The following ZNF14 variants were observed in gnomAD, a reference collection of about 807,000 sequenced individuals.
ZNF14 encodes zinc finger protein 14.
ZNF14 carries 9 observed loss-of-function variants against 11.3 expected under a neutral mutation model. The ratio of observed to expected loss-of-function variants is 0.80; its 90% CI spans 0.48 to 1.39. The LOEUF (loss-of-function observed/expected upper bound fraction) is 1.39. Ranked by LOEUF, ZNF14 falls within the 40% of genes most tolerant of loss-of-function variation. The probability of loss-of-function intolerance (pLI) is 0.00; values close to 1 mark genes in which losing one functional copy is unlikely to be tolerated. For synonymous variants in ZNF14, 239 were observed against 245.7 expected, an observed-to-expected ratio of 0.97 and a Z score of 0.25; for missense variants, 711 against 763.9, an observed-to-expected ratio of 0.93 and a Z score of 0.82.
chr19:19,718,342 T>C (rs1482692284), intron 1 of ZNF14, among the ~76,000 whole-genome samples: 1 of 152,076 alleles, frequency 6.6e-6, no homozygotes, highest in East Asian at 1.9e-4. Context: ...GGACATAAAA[T>C]ACACTGCAAC....
At chr19:19,725,122 T>G (rs1200185301) in intron 1 of ZNF14, among the ~76,000 whole-genome samples, 2 of 133,746 alleles carry the variant, frequency 1.5e-5, no homozygotes, top group Non-Finnish European at 3.3e-5. Flanking sequence ...CCTGTCATTA[T>G]GATGTTAGCT....
At chr19:19,730,739 CCTGT>C (rs1568452639) in intron 1 of ZNF14, among the ~76,000 whole-genome samples, 1 of 151,946 alleles carries the variant, frequency 6.6e-6, no homozygotes, top group African/African-American at 2.4e-5. Context: ...ATGGAGAAAC[CCTGT>C]CTCTACTAAA....
intron 1 of ZNF14, among the ~76,000 whole-genome samples, chr19:19,731,671 C>T (rs941985461): frequency 6.6e-6 from 1 of 152,184 alleles, no homozygotes; most frequent in Admixed American, 6.5e-5. Context: ...ACACACTGAC[C>T]TATTACAACC....
rs1176731196 is a variant in ZNF14, at chr19:19,720,461, T to C, written c.4-5974A>G. 6.6e-6 allele frequency among the ~76,000 whole-genome samples: 1 copy of C among 151,814 alleles called. No homozygotes were observed. The highest frequency in any genetic ancestry group is 1.5e-5 in the Non-Finnish European group (1 of 67,956). On this transcript the variant is annotated intron_variant, in intron 1 of 3. Transcript: ENST00000344099. This position sits in a 1 kb window ranked among gnomAD's most constrained non-coding sequence, Gnocchi z 4.1. Reference sequence around the variant, plus strand: ...GTTCAAGTAATTCTCCTGCCTCAGCTTTCCGAGTAACTTAAATAACAGGCG... The same window carrying C: ...GTTCAAGTAATTCTCCTGCCTCAGCCTTCCGAGTAACTTAAATAACAGGCG...
At chr19:19,730,525 A>G (rs1388511499) in intron 1 of ZNF14, among the ~76,000 whole-genome samples, 1 of 152,174 alleles carries the variant, frequency 6.6e-6, no homozygotes, top group Non-Finnish European at 1.5e-5. Context: ...AAACCAATCT[A>G]TTTACATTAA....
chr19:19,722,522 G>A (rs1239067111), intron 1 of ZNF14, among the ~76,000 whole-genome samples: 3 of 152,108 alleles, frequency 2.0e-5, no homozygotes, highest in Non-Finnish European at 1.5e-5. Context: ...CTCCAGCTTT[G>A]TTCTTTTGGC....
At position 19,712,976 on chromosome 19, in the gene ZNF14, G is replaced by C. The variant is rs1214306311; in HGVS notation, c.305C>G (p.Pro102Arg). 6.2e-7 allele frequency: 1 copy of C among 1,614,082 alleles called. No homozygotes were observed. The highest frequency in any genetic ancestry group is 1.1e-5 in the South Asian group (1 of 91,068). ...TCTTCCACAAAAGCTGCATTCATGT[G>C]GTTTTGCTCCAGTAAAAGTTTCCTT... ...INKETFTGAKPHECSFCGRDF... is the reference protein window; with the variant it reads ...INKETFTGAKRHECSFCGRDF... Residue 102 changes from proline (P) to arginine (R), a missense_variant, in exon 4 of 4, where the codon CCA becomes CGA. Coordinates refer to ENST00000344099, the MANE Select transcript of ZNF14 (RefSeq NM_021030.3).
chr19:19,713,872 T>C (rs986814784), intron 3 of ZNF14, among the ~76,000 whole-genome samples: 2 of 151,890 alleles, frequency 1.3e-5, no homozygotes, highest in Non-Finnish European at 2.9e-5. Context: ...CATGAACTAT[T>C]GTGCCTGGCC....
chr19:19,719,940 C>A (rs1382213679), intron 1 of ZNF14, among the ~76,000 whole-genome samples: 1 of 152,194 alleles, frequency 6.6e-6, no homozygotes, highest in African/African-American at 2.4e-5. Flanking sequence ...CAGCTATGTT[C>A]ATTTCAGACA....
At chr19:19,717,220 A>G (rs2062380303) in intron 1 of ZNF14, among the ~76,000 whole-genome samples, 1 of 152,124 alleles carries the variant, frequency 6.6e-6, no homozygotes, top group South Asian at 2.1e-4. Flanking sequence ...TAGTTCAGTA[A>G]TTCACTAGGG....
At chr19:19,730,247 G>A (rs2062419338) in intron 1 of ZNF14, among the ~76,000 whole-genome samples, 2 of 151,868 alleles carry the variant, frequency 1.3e-5, no homozygotes, top group African/African-American at 4.8e-5. Flanking sequence ...GGGTGGTCTT[G>A]AACTCCTTAC....
chr19:19,730,724 T>G (rs1361553096), intron 1 of ZNF14, among the ~76,000 whole-genome samples: 3 of 151,850 alleles, frequency 2.0e-5, no homozygotes, highest in African/African-American at 7.3e-5. Flanking sequence ...ACCAGCTTGA[T>G]TAACATGGAG....
At chr19:19,716,684 T>C (rs1440825068) in intron 1 of ZNF14, among the ~76,000 whole-genome samples, 1 of 152,140 alleles carries the variant, frequency 6.6e-6, no homozygotes, top group Non-Finnish European at 1.5e-5. Flanking sequence ...AACGTAGAAA[T>C]TGTCAATCCC....
At chr19:19,723,434 A>G (rs1443366257) in intron 1 of ZNF14, among the ~76,000 whole-genome samples, 1 of 152,194 alleles carries the variant, frequency 6.6e-6, no homozygotes, top group Admixed American at 6.5e-5. Context: ...GATGAAGCCA[A>G]CTTGATCATG....
chr19:19,711,366 C>T lies in ZNF14; in HGVS notation c.1915G>A (p.Gly639Arg), dbSNP rs376363869. 1.4e-5 allele frequency: 22 copies of T among 1,555,976 alleles called. No individual in the cohort carries two copies. The highest frequency in any genetic ancestry group is 1.8e-5 in the Non-Finnish European group (21 of 1,156,388). Residue 639 changes from glycine (G) to arginine (R), a missense_variant, in exon 4 of 4, where the codon GGA (glycine) becomes AGA (arginine). Transcript: ENST00000344099. ...HFRLHERTHM[G>R]EKV ...TGCTTATATTCTTAGACTTTCTCTC[C>T]CATATGAGTCCTTTCATGCAGTCGA...
chr19:19,731,716 C>G (rs558718501), intron 1 of ZNF14, among the ~76,000 whole-genome samples: 2 of 152,138 alleles, frequency 1.3e-5, no homozygotes, highest in Non-Finnish European at 2.9e-5. Flanking sequence ...CATACACTTA[C>G]AATCAGAATG....
chr19:19,724,449 G>A (rs1216619899), intron 1 of ZNF14, among the ~76,000 whole-genome samples: 1 of 134,110 alleles, frequency 7.5e-6, no homozygotes, highest in Non-Finnish European at 1.7e-5. Flanking sequence ...CTGAGAGACA[G>A]TTTGTTATAA....
At chr19:19,716,498 A>G (rs2062378309) in intron 1 of ZNF14, among the ~76,000 whole-genome samples, 1 of 152,098 alleles carries the variant, frequency 6.6e-6, no homozygotes, top group Non-Finnish European at 1.5e-5. Context: ...CATGTTGGCC[A>G]GGCTGGGCTT....
rs538424501 is a variant in ZNF14, at chr19:19,720,401, C to T, written c.4-5914G>A. ...TGTTGCCCAGGCTGGAGTGCAATGACACAACCTCGGGTCACTGCAACCTCT... is the reference window on the plus strand; with the variant it reads ...TGTTGCCCAGGCTGGAGTGCAATGATACAACCTCGGGTCACTGCAACCTCT... On this transcript the variant is annotated intron_variant, in intron 1 of 3. Coordinates refer to ENST00000344099, the MANE Select transcript of ZNF14 (RefSeq NM_021030.3). This position sits in a 1 kb window ranked among gnomAD's most constrained non-coding sequence, Gnocchi z 4.1. Among the ~76,000 whole-genome samples the T allele has an allele frequency of 6.7e-6, 1 of 149,720 alleles. No homozygotes were observed. The highest frequency in any genetic ancestry group is 2.0e-4 in the East Asian group (1 of 5,104).
Sources: gnomAD v4.1 joint callset for allele counts (sites outside exome capture counted in the v4.1 genomes callset) on GRCh38, gnomAD v4.1.1 for gene constraint, Gnocchi (gnomAD v3.1) non-coding constraint, MANE v1.5 for transcripts, NCBI Gene and HGNC (gene_info 2026-07-23, HGNC 2026-07-21) for gene names.